Variants in RPL35 observed in about 807,000 individuals in gnomAD.
RPL35 encodes ribosomal protein L35.
In RPL35, 2 loss-of-function variants were observed where a neutral mutation model predicts 15.6. The observed-to-expected ratio is 0.13, with a 90% CI of 0.05 to 0.40. RPL35 has a LOEUF of 0.40. Among genes scored for constraint, RPL35 ranks in the 10% least tolerant of loss-of-function variants. RPL35 has a pLI of 0.99. For missense variants in RPL35, 111 were observed against 164.7 expected (o/e 0.67, Z 1.79); for synonymous variants, 93 against 67.9 (o/e 1.37, Z -1.82).
At position 124,857,974 on chromosome 9, in the gene RPL35, T is replaced by G. The variant is rs746054134; in HGVS notation, c.316A>C (p.Lys106Gln). The G allele has an allele frequency of 6.8e-6, 11 of 1,612,138 alleles. No homozygotes were observed. The highest frequency in any genetic ancestry group is 1.7e-5 in the Admixed American group (1 of 60,014). ...TACAGCCGCTCCTTCCGCTGCTGCT[T>G]CTTGGTCTTCAGGTTCTCCTCGTGC... ...NKHEENLKTK[K>Q]QQRKERLYPL... Residue 106 changes from lysine to glutamine, a missense_variant, in exon 4 of 4, where the codon AAG becomes CAG. By Grantham distance (53) the Lys-to-Gln change is moderately conservative (BLOSUM62 1). Coordinates refer to ENST00000348462, the MANE Select transcript of RPL35 (RefSeq NM_007209.4).
At position 124,860,189 on chromosome 9, in the gene RPL35, G is replaced by T; in HGVS notation, c.216C>A (p.Phe72Leu). The T allele has an allele frequency of 6.2e-7, 1 of 1,612,966 alleles. No homozygotes were observed. The highest frequency in any genetic ancestry group is 8.5e-7 in the Non-Finnish European group (1 of 1,178,944). The change falls in exon 3 of 4, where the codon TTC becomes TTA. Residue 72 changes from phenylalanine to leucine, a missense_variant. Phe to Leu is a conservative substitution (Grantham distance 22). Coordinates refer to ENST00000348462, the MANE Select transcript of RPL35 (RefSeq NM_007209.4). The stretch of plus-strand genomic sequence containing the variant: ...TATGTCCAGGCAGACTCACCTTGTA[G>T]AATTTCCTGAGGTTTTCTTTCTGAG... Reference protein sequence around the residue: ...NQTQKENLRKFYKGKKYKPLD... With the variant: ...NQTQKENLRKLYKGKKYKPLD...
At position 124,857,962 on chromosome 9, in the gene RPL35, T is replaced by C; in HGVS notation, c.328A>G (p.Lys110Glu). The C allele has an allele frequency of 6.2e-7, 1 of 1,612,252 alleles. No individual in the cohort carries two copies. Among genetic ancestry groups the C allele is most frequent in the Non-Finnish European group, 8.5e-7 (1 of 1,180,040 alleles). ...ENLKTKKQQR[K>E]ERLYPLRKYA... ...TTCCGCAGCGGGTACAGCCGCTCCTTCCGCTGCTGCTTCTTGGTCTTCAGG... is the reference window on the plus strand; with the variant it reads ...TTCCGCAGCGGGTACAGCCGCTCCTCCCGCTGCTGCTTCTTGGTCTTCAGG... The change falls in exon 4 of 4, where the codon AAG (lysine) becomes GAG (glutamate). Residue 110 changes from lysine (K) to glutamate (E), a missense_variant. By Grantham distance (56) the Lys-to-Glu change is moderately conservative. Coordinates refer to ENST00000348462, the MANE Select transcript of RPL35 (RefSeq NM_007209.4).
At chr9:124,861,234 C>T (rs760723928) in intron 2 of RPL35, 185 bp downstream of exon 2, 2 of 718,022 alleles carry the variant, frequency 2.8e-6, no homozygotes, top group Non-Finnish European at 4.6e-6. Context: ...GCATTCCAGG[C>T]ACAAGGACCG....
rs376972779 is a variant in RPL35 at position 124,860,158 on chromosome 9, C to A, written c.222+25G>T. 33 of 1,582,792 alleles carry A rather than the reference C, an allele frequency of 2.1e-5. No individual in the cohort carries two copies. In the African/African-American group the frequency reaches 3.9e-4, roughly 19 times the overall value. ...TAGCACTTGGCTTCCTGCAGCCAACCCTCCCTATGTCCAGGCAGACTCACC... is the reference window on the plus strand; with the variant it reads ...TAGCACTTGGCTTCCTGCAGCCAACACTCCCTATGTCCAGGCAGACTCACC... On this transcript the variant is annotated intron_variant, in intron 3 of 3. Coordinates refer to ENST00000348462, the MANE Select transcript of RPL35 (RefSeq NM_007209.4).
At chr9:124,861,294 C>T (rs561967218) in intron 2 of RPL35, 125 bp downstream of exon 2, 4 of 1,242,346 alleles carry the variant, frequency 3.2e-6, no homozygotes, top group South Asian at 2.8e-5. Flanking sequence ...CTCCCATGCG[C>T]GCCAGGATGC....
In RPL35 at chr9:124,858,081, G is replaced by A. The variant is rs376545937; in HGVS notation, c.223-14C>T. Reference sequence around the variant, plus strand: ...GTACTTCTTGCCCTGGGAGACAGACGGCAGGGTGAATCCAAGGACCCAGGG... The same window carrying A: ...GTACTTCTTGCCCTGGGAGACAGACAGCAGGGTGAATCCAAGGACCCAGGG... On this transcript the variant is annotated splice_polypyrimidine_tract_variant and intron_variant, in intron 3 of 3. Coordinates refer to ENST00000348462, the MANE Select transcript of RPL35 (RefSeq NM_007209.4). 68 of 1,610,718 alleles carry A rather than the reference G, an allele frequency of 4.2e-5. No homozygotes were observed. Among genetic ancestry groups the A allele is most frequent in the Non-Finnish European group, 5.0e-5 (59 of 1,179,358 alleles).
rs942471841 is a variant in RPL35, at chr9:124,860,167, G to A, written c.222+16C>T. 2 of 1,600,944 alleles carry A rather than the reference G, an allele frequency of 1.2e-6. No homozygotes were observed. The highest frequency in any genetic ancestry group is 1.7e-5 in the Admixed American group (1 of 59,970). On this transcript the variant is annotated intron_variant, in intron 3 of 3. Transcript: ENST00000348462. The stretch of plus-strand genomic sequence containing the variant: ...GCTTCCTGCAGCCAACCCTCCCTAT[G>A]TCCAGGCAGACTCACCTTGTAGAAT...
rs1261969501 is a variant in RPL35 at position 124,860,190 on chromosome 9, A to G, written c.215T>C (p.Phe72Ser). 6.2e-7 allele frequency: 1 copy of G among 1,613,460 alleles called. No individual in the cohort carries two copies. The highest frequency in any genetic ancestry group is 8.5e-7 in the Non-Finnish European group (1 of 1,179,370). ...ATGTCCAGGCAGACTCACCTTGTAG[A>G]ATTTCCTGAGGTTTTCTTTCTGAGT... Reference protein sequence around the residue: ...NQTQKENLRKFYKGKKYKPLD... With the variant: ...NQTQKENLRKSYKGKKYKPLD... The change falls in exon 3 of 4, where the codon TTC becomes TCC. Residue 72 changes from phenylalanine (F) to serine (S), a missense_variant. Physicochemically the swap from Phe to Ser is radical, Grantham distance 155. Transcript: ENST00000348462.
At chr9:124,860,135 G>A (rs1475957305) in intron 3 of RPL35, 48 bp downstream of exon 3, 2 of 1,389,082 alleles carry the variant, frequency 1.4e-6, no homozygotes, top group South Asian at 1.2e-5. Flanking sequence ...GGGACGGCTA[G>A]CACTTGGCTT....
At chr9:124,861,233 G>A in intron 2 of RPL35, 186 bp downstream of exon 2, 3 of 704,714 alleles carry the variant, frequency 4.3e-6, no homozygotes, top group Non-Finnish European at 7.0e-6. Context: ...TGCATTCCAG[G>A]CACAAGGACC....
At chr9:124,858,133 G>A in intron 3 of RPL35, 66 bp from the exon 4 acceptor site, 3 of 1,535,638 alleles carry the variant, frequency 2.0e-6, no homozygotes, top group Non-Finnish European at 2.6e-6. Context: ...GCAGCTAAGG[G>A]GGCTGGGGAG....
chr9:124,860,591 C>T (rs985012950), intron 2 of RPL35, among the ~76,000 whole-genome samples: 19 of 152,196 alleles, frequency 1.2e-4, no homozygotes, highest in African/African-American at 3.9e-4. Flanking sequence ...TGCCACAAAC[C>T]AGGCAATCAG....
chr9:124,861,677 G>A, intron 1 of RPL35, 122 bp from the exon 2 acceptor site: 5 of 1,460,564 alleles, frequency 3.4e-6, no homozygotes, highest in Non-Finnish European at 4.7e-6. Flanking sequence ...GCCCCAACCA[G>A]GGCTCAGGAC....
At chr9:124,861,198 C>A in intron 2 of RPL35, 1 of 551,252 alleles carries the variant, frequency 1.8e-6, no homozygotes, top group Non-Finnish European at 3.2e-6. Context: ...GCTTTGAAGG[C>A]AGCATTAAGA....
chr9:124,861,614 C>G, intron 1 of RPL35, 59 bp from the exon 2 acceptor site: 2 of 1,585,556 alleles, frequency 1.3e-6, no homozygotes, highest in Non-Finnish European at 1.7e-6. Flanking sequence ...CCTTCACCTG[C>G]GTGGCCAGCC....
chr9:124,860,336 G>C (rs940881687), intron 2 of RPL35, 72 bp from the exon 3 acceptor site: 56 of 1,248,182 alleles, frequency 4.5e-5, no homozygotes, highest in Non-Finnish European at 6.6e-5. Flanking sequence ...CTCACACATA[G>C]GGCAGCAATA....
Position 124,857,889 on chromosome 9 carries a change from C to A in RPL35, c.*29G>T, listed in dbSNP as rs1829128903. Reference sequence around the variant, plus strand: ...GTGCCAGGAAACAAAGCAGTCTCAGCCAGCTGTGCTTTATTGACAATGCGC... The same window carrying A: ...GTGCCAGGAAACAAAGCAGTCTCAGACAGCTGTGCTTTATTGACAATGCGC... On this transcript the variant is annotated 3_prime_UTR_variant, in exon 4 of 4. Coordinates refer to ENST00000348462, the MANE Select transcript of RPL35 (RefSeq NM_007209.4). The A allele has an allele frequency of 1.2e-6, 2 of 1,607,778 alleles. No individual in the cohort carries two copies. The highest frequency in any genetic ancestry group is 4.5e-5 in the East Asian group (2 of 44,742).
intron 1 of RPL35, 68 bp downstream of exon 1, chr9:124,861,842 C>A: frequency 6.3e-7 from 1 of 1,580,598 alleles, no homozygotes; most frequent in South Asian, 1.1e-5. Context: ...GCGGGCTCAG[C>A]CCGCACCGCC....
intron 3 of RPL35, chr9:124,858,587 C>T (rs1176765983): frequency 1.3e-5 from 9 of 697,900 alleles, no homozygotes; most frequent in Admixed American, 1.2e-4. Flanking sequence ...GCCACTTGCC[C>T]CACCTGCTTC....
Sources: allele counts gnomAD v4.1 joint callset (sites outside exome capture counted in the v4.1 genomes callset), GRCh38; gene constraint gnomAD v4.1.1; transcripts MANE v1.5; gene names NCBI Gene and HGNC (gene_info 2026-07-23, HGNC 2026-07-21).